CDH13: variants seen among roughly 807,000 people sequenced by gnomAD.
CDH13 encodes cadherin-13.
A neutral mutation model predicts 63.8 loss-of-function variants in CDH13; 24 were observed. The ratio of observed to expected loss-of-function variants is 0.38; its 90% CI spans 0.27 to 0.53. The LOEUF is 0.53. CDH13 is among the 20% of genes least tolerant of loss of function. The pLI, the probability that CDH13 is intolerant of heterozygous loss-of-function variation, is 0.85. For synonymous variants in CDH13, 503 were observed against 355.3 expected (o/e 1.42, Z -4.67); for missense variants, 1,049 against 903.1 (o/e 1.16, Z -2.07).
chr16:83,627,674 C>A (rs1307482529), intron 8 of CDH13, among the ~76,000 whole-genome samples: 2 of 152,254 alleles, frequency 1.3e-5, no homozygotes, highest in East Asian at 1.9e-4. Flanking sequence ...CCTCAGCCCC[C>A]CAAGTAGCTG....
At chr16:83,686,062 A>G (rs1242374735) in intron 10 of CDH13, among the ~76,000 whole-genome samples, 1 of 152,172 alleles carries the variant, frequency 6.6e-6, no homozygotes, top group African/African-American at 2.4e-5. Flanking sequence ...CTTTTTACTG[A>G]TGAGGAGAGA....
chr16:82,772,445 G>A (rs533299761), intron 1 of CDH13, among the ~76,000 whole-genome samples: 1 of 152,286 alleles, frequency 6.6e-6, no homozygotes, highest in African/African-American at 2.4e-5. Context: ...CACAGGCTAG[G>A]CAGAGGTGTG....
chr16:83,187,975 G>A (rs1192159643), intron 4 of CDH13, among the ~76,000 whole-genome samples: 1 of 152,180 alleles, frequency 6.6e-6, no homozygotes, highest in Non-Finnish European at 1.5e-5. Flanking sequence ...GAGTGCAAAA[G>A]CTGGGGGCAG....
At chr16:83,788,553 C>G (rs993404631) in intron 13 of CDH13, among the ~76,000 whole-genome samples, 2 of 151,898 alleles carry the variant, frequency 1.3e-5, no homozygotes, top group African/African-American at 4.8e-5. Context: ...CTTTGAGACT[C>G]CTGATCTACA....
At chr16:83,542,488 C>G (rs1331375454) in intron 7 of CDH13, among the ~76,000 whole-genome samples, 1 of 152,208 alleles carries the variant, frequency 6.6e-6, no homozygotes, top group Admixed American at 6.5e-5. Flanking sequence ...CCCAACTTCC[C>G]AGGTGCATTC....
chr16:83,139,357 A>G (rs946056901), intron 4 of CDH13, among the ~76,000 whole-genome samples: 2 of 152,138 alleles, frequency 1.3e-5, no homozygotes, highest in Non-Finnish European at 2.9e-5. Flanking sequence ...ATTTTTTTCT[A>G]CTAGCTAAGA....
intron 7 of CDH13, among the ~76,000 whole-genome samples, chr16:83,515,890 A>G (rs981393993): frequency 5.3e-5 from 8 of 152,224 alleles, no homozygotes; most frequent in African/African-American, 1.9e-4. Context: ...TAATCTTTAT[A>G]TAGGAATTAA....
At chr16:82,880,662 T>C (rs1173458166) in intron 2 of CDH13, among the ~76,000 whole-genome samples, 1 of 152,204 alleles carries the variant, frequency 6.6e-6, no homozygotes, top group African/African-American at 2.4e-5. Context: ...CCTGCTATGC[T>C]TACTGTAGTG....
chr16:83,783,191 A>T, intron 12 of CDH13, 63 bp from the exon 13 acceptor site: 1 of 1,131,914 alleles, frequency 8.8e-7, no homozygotes, highest in Non-Finnish European at 1.3e-6. Flanking sequence ...CATCACCAAA[A>T]CCTCACTCTT....
At chr16:83,379,938 T>TATATATATATATATATATATAGAGAG in intron 6 of CDH13, among the ~76,000 whole-genome samples, 8 of 123,458 alleles carry the variant, frequency 6.5e-5, no homozygotes, top group South Asian at 2.8e-4. Context: ...TATATATATA[T>TATATATATATATATATATATAGAGAG]AGAGAGAGAG....
chr16:82,857,836 G>T (rs554868597), intron 1 of CDH13, among the ~76,000 whole-genome samples: 1 of 148,474 alleles, frequency 6.7e-6, no homozygotes, highest in South Asian at 2.1e-4. Flanking sequence ...CAACATGTCA[G>T]TTTCAGACCT....
chr16:83,527,255 C>G (rs2074985359), intron 7 of CDH13, among the ~76,000 whole-genome samples: 1 of 152,220 alleles, frequency 6.6e-6, no homozygotes, highest in African/African-American at 2.4e-5. Context: ...GGAGACCATC[C>G]TAGCCAACAC....
chr16:82,932,967 G>C (rs564467245), intron 2 of CDH13, among the ~76,000 whole-genome samples: 2 of 152,134 alleles, frequency 1.3e-5, no homozygotes, highest in Non-Finnish European at 2.9e-5. Context: ...GCAAGGGTTA[G>C]CATTTTAATT....
chr16:82,758,290 T>G (rs1486266831), intron 1 of CDH13, among the ~76,000 whole-genome samples: 2 of 152,142 alleles, frequency 1.3e-5, no homozygotes, highest in Non-Finnish European at 2.9e-5. Context: ...GATGAGAATC[T>G]CAGAAAACTT....
At position 82,858,469 on chromosome 16, in the gene CDH13, A is replaced by C; in HGVS notation, c.153A>C (p.Leu51=). ...AATTCATTGAGGACCAGTCAATTCTAAACTGTAAGCAATGTCACTCAAAGA... is the reference window on the plus strand; with the variant it reads ...AATTCATTGAGGACCAGTCAATTCTCAACTGTAAGCAATGTCACTCAAAGA... ...PAEFIEDQSI[L]NLTFSDCKGN... is the part of the protein sequence containing the mutation. The change falls in exon 2 of 14, where the codon CTA becomes CTC. Residue 51 remains leucine, a synonymous_variant. Coordinates refer to ENST00000567109, the MANE Select transcript of CDH13 (RefSeq NM_001257.5). 1 of 1,579,446 alleles carries C rather than the reference A, an allele frequency of 6.3e-7. No homozygotes were observed. Among genetic ancestry groups the C allele is most frequent in the Non-Finnish European group, 8.7e-7 (1 of 1,148,508 alleles).
At chr16:83,246,729 T>A (rs756801821) in intron 5 of CDH13, among the ~76,000 whole-genome samples, 1 of 152,220 alleles carries the variant, frequency 6.6e-6, no homozygotes, top group Non-Finnish European at 1.5e-5. Flanking sequence ...CCGGTGTTGC[T>A]GCCAGAAGCT....
chr16:83,307,005 G>A (rs766678102), intron 5 of CDH13, among the ~76,000 whole-genome samples: 1 of 152,180 alleles, frequency 6.6e-6, no homozygotes, highest in African/African-American at 2.4e-5. Flanking sequence ...GAGAATAGTG[G>A]AACAAATTAA....
chr16:83,255,729 G>GC (rs1193469645), intron 5 of CDH13, among the ~76,000 whole-genome samples: 3 of 152,160 alleles, frequency 2.0e-5, no homozygotes, highest in Admixed American at 1.3e-4. Context: ...TAATAAAGTG[G>GC]CACTATGCTG....
intron 5 of CDH13, among the ~76,000 whole-genome samples, chr16:83,234,616 A>G (rs1380205206): frequency 6.6e-6 from 1 of 152,154 alleles, no homozygotes; most frequent in Non-Finnish European, 1.5e-5. Flanking sequence ...TTCCTGAATG[A>G]TCACTTAGAA....
Sources: allele counts gnomAD v4.1 joint callset (sites outside exome capture counted in the v4.1 genomes callset), GRCh38; gene constraint gnomAD v4.1.1; transcripts MANE v1.5; gene names NCBI Gene and HGNC (gene_info 2026-07-23, HGNC 2026-07-21).